Variants in RALYL observed in about 807,000 individuals in gnomAD.
RALYL encodes RNA-binding Raly-like protein.
RALYL carries 29 observed loss-of-function variants against 35.1 expected under a neutral mutation model. The ratio of observed to expected loss-of-function variants is 0.83; its 90% CI spans 0.61 to 1.13. The LOEUF is 1.13. Ranked by LOEUF, RALYL falls within the 50% of genes most tolerant of loss-of-function variation. RALYL has a pLI of 0.00. For synonymous variants in RALYL, 120 were observed against 127.6 expected (o/e 0.94, Z 0.40); for missense variants, 359 against 360.4 (o/e 1.00, Z 0.03).
At chr8:84,393,288 T>C (rs73300766) in intron 1 of RALYL, among the ~76,000 whole-genome samples, 4,488 of 152,110 alleles carry the variant, frequency 0.03, 219 homozygotes, top group African/African-American at 0.1. Flanking sequence ...AATTCAGTAC[T>C]TCAAGTGCTG....
At chr8:84,436,358 T>C (rs1043187214) in intron 1 of RALYL, among the ~76,000 whole-genome samples, 1 of 152,000 alleles carries the variant, frequency 6.6e-6, no homozygotes, top group Non-Finnish European at 1.5e-5. Context: ...TAAAAATGAA[T>C]GGGTGCTTCT....
chr8:84,821,447 C>G lies in RALYL; in HGVS notation c.365+16645C>G, dbSNP rs554192870. ...CCTCATGTTTTCTTCTGAGTTTCAT[C>G]TGCACTTGAATGTCTAAATAATAGC... On this transcript the variant is annotated intron_variant, in intron 4 of 8. Transcript: ENST00000521268. Among the ~76,000 whole-genome samples the G allele has an allele frequency of 2.1e-4, 32 of 152,300 alleles. 2 individuals carry two copies. The highest frequency in any genetic ancestry group is 2.0e-3 in the Admixed American group (30 of 15,284).
intron 2 of RALYL, among the ~76,000 whole-genome samples, chr8:84,566,019 A>C (rs2135684385): frequency 6.6e-6 from 1 of 150,470 alleles, no homozygotes; most frequent in East Asian, 1.9e-4. Context: ...ATTCATTTGA[A>C]TTAGGTCAGG....
At chr8:84,453,699 T>C (rs1202799584) in intron 1 of RALYL, among the ~76,000 whole-genome samples, 4 of 152,052 alleles carry the variant, frequency 2.6e-5, no homozygotes, top group Non-Finnish European at 5.9e-5. Flanking sequence ...AGGGACACAG[T>C]GTCAATGACA....
chr8:84,813,000 C>T (rs183538837), intron 4 of RALYL, among the ~76,000 whole-genome samples: 3 of 152,258 alleles, frequency 2.0e-5, no homozygotes, highest in East Asian at 3.9e-4. Context: ...GTATTTTTCC[C>T]CCGCTCCTCT....
chr8:84,920,353 A>G (rs978740757), intron 8 of RALYL, among the ~76,000 whole-genome samples: 5 of 152,038 alleles, frequency 3.3e-5, no homozygotes, highest in African/African-American at 9.7e-5. Flanking sequence ...CTCTTACATA[A>G]TGCTTCAGAC....
chr8:84,813,275 G>A (rs1277136765), intron 4 of RALYL, among the ~76,000 whole-genome samples: 1 of 152,142 alleles, frequency 6.6e-6, no homozygotes, highest in African/African-American at 2.4e-5. Context: ...GATGTCTCCT[G>A]GGTCCTGCAG....
intron 2 of RALYL, among the ~76,000 whole-genome samples, chr8:84,756,301 T>A (rs1017304328): frequency 6.6e-6 from 1 of 152,116 alleles, no homozygotes; most frequent in Admixed American, 6.6e-5. Context: ...TAAGCAGATA[T>A]AAATTTCTTC....
At chr8:84,703,804 T>C (rs1004938811) in intron 2 of RALYL, among the ~76,000 whole-genome samples, 3 of 152,196 alleles carry the variant, frequency 2.0e-5, no homozygotes, top group African/African-American at 4.8e-5. Context: ...GTTGGTCTTA[T>C]GGCATTGGTG....
intron 5 of RALYL, among the ~76,000 whole-genome samples, chr8:84,858,052 T>G (rs1382587484): frequency 6.6e-6 from 1 of 152,108 alleles, no homozygotes; most frequent in African/African-American, 2.4e-5. Flanking sequence ...ATGTCCTTAT[T>G]CTTCCTAGAG....
intron 2 of RALYL, among the ~76,000 whole-genome samples, chr8:84,596,154 A>G (rs974467058): frequency 6.0e-5 from 9 of 150,458 alleles, no homozygotes; most frequent in African/African-American, 1.9e-4. Flanking sequence ...TTTTGAGAAG[A>G]TGTCAGGGTT....
chr8:84,394,038 C>G (rs1267772320), intron 1 of RALYL, among the ~76,000 whole-genome samples: 4 of 152,158 alleles, frequency 2.6e-5, no homozygotes, highest in African/African-American at 9.6e-5. Flanking sequence ...CTCACCCTGC[C>G]TTTAATTTAC....
At chr8:84,224,881 T>C (rs1823466268) in intron 1 of RALYL, among the ~76,000 whole-genome samples, 1 of 152,182 alleles carries the variant, frequency 6.6e-6, no homozygotes, top group South Asian at 2.1e-4. Context: ...GGTCTCGAAC[T>C]TCTGACCTCG....
At chr8:84,548,992 A>C (rs2060541514) in intron 2 of RALYL, among the ~76,000 whole-genome samples, 1 of 152,198 alleles carries the variant, frequency 6.6e-6, no homozygotes, top group African/African-American at 2.4e-5. Flanking sequence ...TTGGATCATG[A>C]GAGCCCTCTG....
intron 7 of RALYL, among the ~76,000 whole-genome samples, chr8:84,881,624 CA>C (rs2135363103): frequency 6.6e-6 from 1 of 152,036 alleles, no homozygotes; most frequent in East Asian, 1.9e-4. Context: ...ATGAGATGTG[CA>C]GAAAAAATAT....
At chr8:84,416,974 C>A (rs2044777649) in intron 1 of RALYL, among the ~76,000 whole-genome samples, 1 of 152,052 alleles carries the variant, frequency 6.6e-6, no homozygotes, top group Non-Finnish European at 1.5e-5. Context: ...ATTTTAACTT[C>A]TCTTATTTTC....
intron 1 of RALYL, among the ~76,000 whole-genome samples, chr8:84,238,427 A>T (rs1354821934): frequency 6.6e-6 from 1 of 152,086 alleles, no homozygotes; most frequent in Non-Finnish European, 1.5e-5. Context: ...ATTTATATTT[A>T]TATTTCCAGA....
intron 2 of RALYL, among the ~76,000 whole-genome samples, chr8:84,535,033 A>C (rs2059505240): frequency 6.6e-6 from 1 of 152,182 alleles, no homozygotes; most frequent in African/African-American, 2.4e-5. Context: ...ATTCCTTAAA[A>C]TGTCATCCTT....
In RALYL at chr8:84,559,973, GTT is replaced by G. The variant is rs572363653; in HGVS notation, c.256+30410_256+30411del. On this transcript the variant is annotated intron_variant, in intron 2 of 8. Coordinates refer to ENST00000521268, the MANE Select transcript of RALYL (RefSeq NM_173848.7). ...CAATCAAGTGTAGGCAATATATTAG[GTT>G]TTTTTTTTTTTTTAATTGCCTCAAA... Among the ~76,000 whole-genome samples, 654 of 141,554 alleles carry G rather than the reference GTT, an allele frequency of 4.6e-3. 2 individuals are homozygous for G. Among genetic ancestry groups the G allele is most frequent in the African/African-American group, 0.013 (502 of 38,974 alleles). 92.9% of individuals were successfully genotyped at this position (141,554 alleles called of 152,430 possible). A position where few individuals can be genotyped will look rare whatever the true frequency, so the allele number is the denominator to read the frequency against.
Sources: gnomAD v4.1 joint callset for allele counts (sites outside exome capture counted in the v4.1 genomes callset) on GRCh38, gnomAD v4.1.1 for gene constraint, MANE v1.5 for transcripts, NCBI Gene and HGNC (gene_info 2026-07-23, HGNC 2026-07-21) for gene names.